The following GINM1 variants were observed in gnomAD, a reference collection of about 807,000 sequenced individuals.
The protein encoded by GINM1 is glycoprotein integral membrane protein 1.
A neutral mutation model predicts 37.8 loss-of-function variants in GINM1; 29 were observed. The observed-to-expected ratio is 0.77, with a 90% CI of 0.57 to 1.05. GINM1 has a LOEUF of 1.05. GINM1 is among the 50% of genes least tolerant of loss of function. The pLI is 0.00. For missense variants in GINM1, 377 were observed against 397.9 expected (o/e 0.95, Z 0.45); for synonymous variants, 143 against 146.2 (o/e 0.98, Z 0.16).
chr6:149,567,971 A>G (rs564489177), intron 1 of GINM1, among the ~76,000 whole-genome samples: 53 of 152,394 alleles, frequency 3.5e-4, no homozygotes, highest in African/African-American at 1.2e-3. Flanking sequence ...GTTTACGTCT[A>G]TATAATCTGC....
intron 1 of GINM1, among the ~76,000 whole-genome samples, chr6:149,571,189 C>T (rs1269796870): frequency 6.6e-6 from 1 of 151,972 alleles, no homozygotes; most frequent in Non-Finnish European, 1.5e-5. Context: ...GTGATGCATG[C>T]CTGTAATCCC....
rs754216692 is a variant in GINM1, at chr6:149,566,473, C to T, written c.59C>T (p.Pro20Leu). 1.3e-6 allele frequency: 2 copies of T among 1,562,182 alleles called. No individual in the cohort carries two copies. Among genetic ancestry groups the T allele is most frequent in the African/African-American group, 2.8e-5 (2 of 72,200 alleles). Residue 20 changes from proline (P) to leucine (L), a missense_variant, in exon 1 of 8, where the codon CCC (proline) becomes CTC (leucine). Transcript: ENST00000367419. This position sits in a 1 kb window ranked among gnomAD's most constrained non-coding sequence, Gnocchi z 4.4. ...ALRLLLFVAL[P>L]ASGWLTTGAP... ...CGGCTCCTGCTGTTCGTGGCGCTAC[C>T]CGCCTCCGGCTGGCTGACGACGGGC...
intron 1 of GINM1, among the ~76,000 whole-genome samples, chr6:149,570,267 G>A (rs1343338084): frequency 6.9e-6 from 1 of 145,288 alleles, no homozygotes; most frequent in South Asian, 2.2e-4. Flanking sequence ...TGGTTTCCTA[G>A]AACAACATTG....
chr6:149,589,514 C>T (rs1475555971), intron 7 of GINM1, among the ~76,000 whole-genome samples: 1 of 151,976 alleles, frequency 6.6e-6, no homozygotes, highest in Non-Finnish European at 1.5e-5. Context: ...CTCAGGTGAT[C>T]CACCCACCTC....
chr6:149,576,471 C>G (rs1777916405), intron 3 of GINM1: 1 of 152,228 alleles, frequency 6.6e-6, no homozygotes, highest in Admixed American at 6.5e-5. Context: ...AGTCACTAGG[C>G]TGTGTGCATT....
intron 1 of GINM1, among the ~76,000 whole-genome samples, chr6:149,569,018 A>C (rs187542572): frequency 3.7e-4 from 55 of 149,560 alleles, no homozygotes; most frequent in Admixed American, 1.5e-3. Context: ...TTTTATTTTT[A>C]TTTTTTTATT....
intron 7 of GINM1, among the ~76,000 whole-genome samples, chr6:149,589,797 C>T (rs1377823915): frequency 4.6e-5 from 7 of 151,924 alleles, no homozygotes; most frequent in Admixed American, 3.3e-4. Context: ...TAATTACTCT[C>T]ATGTTTTGTT....
intron 1 of GINM1, among the ~76,000 whole-genome samples, chr6:149,568,978 C>T (rs936587308): frequency 2.6e-5 from 4 of 151,690 alleles, no homozygotes; most frequent in Admixed American, 1.3e-4. Context: ...ACTACTGGCG[C>T]GTGCCACCAC....
In GINM1 at chr6:149,582,427, A is replaced by G; in HGVS notation, c.718-13A>G. The G allele has an allele frequency of 6.3e-7, 1 of 1,597,026 alleles. No individual in the cohort carries two copies. Among genetic ancestry groups the G allele is most frequent in the Non-Finnish European group, 8.5e-7 (1 of 1,175,892 alleles). On this transcript the variant is annotated splice_polypyrimidine_tract_variant and intron_variant, in intron 6 of 7. Transcript: ENST00000367419. ...GATGCAACTTGCATATCTAATCGAA[A>G]TTCCTTTTTCAGGTAATGTGTCAGT...
At chr6:149,578,686 G>GGTCAGGGAT in intron 3 of GINM1, 136 bp from the exon 4 acceptor site, 1 of 575,566 alleles carries the variant, frequency 1.7e-6, no homozygotes, top group Non-Finnish European at 3.0e-6. Context: ...ACAGCATTGA[G>GGTCAGGGAT]GTCAGGGATG....
chr6:149,577,330 T>G (rs1290957709), intron 3 of GINM1: 5 of 152,218 alleles, frequency 3.3e-5, no homozygotes, highest in African/African-American at 4.8e-5. Flanking sequence ...GTGGTAATGG[T>G]CAGTTAAAAC....
Position 149,580,721 on chromosome 6 carries a change from A to C in GINM1, c.715A>C (p.Lys239Gln). The change falls in exon 6 of 8, where the codon AAG becomes CAG. Residue 239 changes from lysine (K) to glutamine (Q), a missense_variant and splice_region_variant. Physicochemically the swap from Lys to Gln is moderately conservative, Grantham distance 53. Coordinates refer to ENST00000367419, the MANE Select transcript of GINM1 (RefSeq NM_138785.5). Reference sequence around the variant, plus strand: ...CAGAGCAGAGCCGCCATCTTCATATAAGGTAAATCAAGTATTTGGTGTTAT... The same window carrying C: ...CAGAGCAGAGCCGCCATCTTCATATCAGGTAAATCAAGTATTTGGTGTTAT... Reference protein sequence around the residue: ...PLRAEPPSSYKVMCQWMEKFR... With the variant: ...PLRAEPPSSYQVMCQWMEKFR... 6.2e-7 allele frequency: 1 copy of C among 1,613,462 alleles called. No homozygotes were observed.
At position 149,566,401 on chromosome 6, in the gene GINM1, C is replaced by T. The variant is rs1406676834; in HGVS notation, c.-14C>T. The T allele has an allele frequency of 6.4e-7, 1 of 1,553,686 alleles. No individual in the cohort carries two copies. The highest frequency in any genetic ancestry group is 8.6e-7 in the Non-Finnish European group (1 of 1,161,102). On this transcript the variant is annotated 5_prime_UTR_variant, in exon 1 of 8. Transcript: ENST00000367419. The surrounding 1 kb of genome is among the most constrained non-coding windows in gnomAD (Gnocchi z 4.4). ...CCTCCCGGCCGCGGCTGCCCTCTGC[C>T]CGGGTTGTCCAAGATGGAGGGCGCT...
chr6:149,567,780 T>A (rs1777745102), intron 1 of GINM1, among the ~76,000 whole-genome samples: 1 of 152,220 alleles, frequency 6.6e-6, no homozygotes, highest in African/African-American at 2.4e-5. Flanking sequence ...AAGAACCACC[T>A]ATATCTGAAA....
At chr6:149,580,471 A>G (rs1582736191) in intron 5 of GINM1, 122 bp from the exon 6 acceptor site, 1 of 816,440 alleles carries the variant, frequency 1.2e-6, no homozygotes, top group East Asian at 2.6e-5. Context: ...CAGATGTGTT[A>G]ATTTTTTCTC....
intron 7 of GINM1, among the ~76,000 whole-genome samples, chr6:149,583,801 G>A (rs1326305887): frequency 6.6e-6 from 1 of 152,072 alleles, no homozygotes; most frequent in East Asian, 1.9e-4. Context: ...GTATATAAAT[G>A]CATAGAAAAT....
intron 4 of GINM1, 51 bp downstream of exon 4, chr6:149,579,024 C>A: frequency 8.2e-7 from 1 of 1,216,012 alleles, no homozygotes. Flanking sequence ...TAGATTTGTG[C>A]TAGATATTAT....
chr6:149,571,656 C>A (rs1777824137), intron 1 of GINM1, among the ~76,000 whole-genome samples: 1 of 151,908 alleles, frequency 6.6e-6, no homozygotes, highest in Non-Finnish European at 1.5e-5. Flanking sequence ...CATGCAGAGC[C>A]TGCCAAGGTA....
Position 149,566,888 on chromosome 6 carries a change from G to A in GINM1, c.120+354G>A, listed in dbSNP as rs1777728052. Among the ~76,000 whole-genome samples, 1 of 152,222 alleles carries A rather than the reference G, an allele frequency of 6.6e-6. No homozygotes were observed. Among genetic ancestry groups the A allele is most frequent in the Non-Finnish European group, 1.5e-5 (1 of 68,036 alleles). On this transcript the variant is annotated intron_variant, in intron 1 of 7. Transcript: ENST00000367419. This position sits in a 1 kb window ranked among gnomAD's most constrained non-coding sequence, Gnocchi z 4.4. ...CTTCCCGGGGTAGAGCCAGCGCTTGGGCAAGGAATGTTTGTGTGCTCGGGA... is the reference window on the plus strand; with the variant it reads ...CTTCCCGGGGTAGAGCCAGCGCTTGAGCAAGGAATGTTTGTGTGCTCGGGA...
Sources: gnomAD v4.1 joint callset for allele counts (sites outside exome capture counted in the v4.1 genomes callset) on GRCh38, gnomAD v4.1.1 for gene constraint, Gnocchi (gnomAD v3.1) non-coding constraint, MANE v1.5 for transcripts, NCBI Gene and HGNC (gene_info 2026-07-23, HGNC 2026-07-21) for gene names.